PREX1: variants seen among roughly 807,000 people sequenced by gnomAD.
PREX1 encodes phosphatidylinositol 3,4,5-trisphosphate-dependent Rac exchanger 1 protein.
In PREX1, 41 loss-of-function variants were observed where a neutral mutation model predicts 198.3. That is an observed-to-expected ratio of 0.21 (90% CI 0.16 to 0.27). The LOEUF is 0.27. PREX1 is among the 10% of genes least tolerant of loss of function. The pLI is 1.00. For missense variants in PREX1, 1,620 were observed against 2,200.7 expected (o/e 0.74, Z 5.28); for synonymous variants, 843 against 887.2 (o/e 0.95, Z 0.89).
At chr20:48,702,979 A>G (rs6019381) in intron 6 of PREX1, among the ~76,000 whole-genome samples, 50,444 of 152,160 alleles carry the variant, frequency 0.33, 11,935 homozygotes, top group African/African-American at 0.68. Context: ...CTGCCTGGAA[A>G]TGAACTTGGG....
intron 23 of PREX1, among the ~76,000 whole-genome samples, chr20:48,650,604 G>C (rs1160752848): frequency 6.6e-6 from 1 of 152,206 alleles, no homozygotes; most frequent in Non-Finnish European, 1.5e-5. Context: ...TTTTCTCCTG[G>C]GCTTGCTGAG....
chr20:48,699,517 C>T (rs2089863714), intron 7 of PREX1, among the ~76,000 whole-genome samples: 1 of 152,056 alleles, frequency 6.6e-6, no homozygotes, highest in South Asian at 2.1e-4. Context: ...CATCCATCTC[C>T]TAATTTCCCC....
chr20:48,644,474 G>A lies in PREX1; in HGVS notation c.3536C>T (p.Ser1179Leu), dbSNP rs867828667. 1 of 1,613,846 alleles carries A rather than the reference G, an allele frequency of 6.2e-7. No homozygotes were observed. Among genetic ancestry groups the A allele is most frequent in the Non-Finnish European group, 8.5e-7 (1 of 1,179,836 alleles). The change falls in exon 27 of 40, where the codon TCG (serine) becomes TTG (leucine). Residue 1179 changes from serine (S) to leucine (L), a missense_variant. Ser to Leu is a moderately radical substitution (Grantham distance 145). This residue lies in a region of PREX1 where 29 missense variants were observed against 26.1 expected (regional missense o/e 1.11). Transcript: ENST00000371941. ...SYSECNSNRD[S>L]VLSYTSVRSN... ...TCTCACGCTGGTGTAGGACAGGACC[G>A]AGTCTCGATTGCTGTTACACTCGCT... is the stretch of plus-strand genomic sequence containing the variant.
At chr20:48,694,593 G>A (rs1486721132) in intron 7 of PREX1, among the ~76,000 whole-genome samples, 1 of 152,228 alleles carries the variant, frequency 6.6e-6, no homozygotes, top group East Asian at 1.9e-4. Context: ...ACTTGGTGGT[G>A]TGCACAGGCC....
At chr20:48,678,432 T>G (rs2089724136) in intron 13 of PREX1, among the ~76,000 whole-genome samples, 1 of 150,944 alleles carries the variant, frequency 6.6e-6, no homozygotes, top group Non-Finnish European at 1.5e-5. Flanking sequence ...ATTGCACCAC[T>G]GCAATCCAGC....
intron 33 of PREX1, among the ~76,000 whole-genome samples, chr20:48,634,422 C>T (rs2089344895): frequency 6.6e-6 from 1 of 152,180 alleles, no homozygotes; most frequent in Non-Finnish European, 1.5e-5. Context: ...GAATTGGGTA[C>T]CAGTGTCATT....
At chr20:48,679,896 G>T in intron 11 of PREX1, 142 bp from the exon 12 acceptor site, 1 of 669,448 alleles carries the variant, frequency 1.5e-6, no homozygotes, top group Non-Finnish European at 2.6e-6. Context: ...TTCACTGCTG[G>T]CCAGGCTTTT....
At position 48,811,588 on chromosome 20, in the gene PREX1, G is replaced by A. The variant is rs373093689; in HGVS notation, c.219+16054C>T. On this transcript the variant is annotated intron_variant, in intron 1 of 39. Coordinates refer to ENST00000371941, the MANE Select transcript of PREX1 (RefSeq NM_020820.4). ...CAGACCTGGATACACACACACACGT[G>A]TGCATGCACTCTACTGACAAGACCT... 1.4e-4 allele frequency among the ~76,000 whole-genome samples: 20 copies of A among 146,092 alleles called. No homozygotes were observed. In the East Asian group the frequency reaches 2.8e-3, roughly 20 times the overall value.
intron 25 of PREX1, among the ~76,000 whole-genome samples, chr20:48,646,687 A>AT (rs1052666182): frequency 2.6e-5 from 4 of 152,114 alleles, no homozygotes; most frequent in African/African-American, 9.6e-5. Context: ...AAAAAAAAAA[A>AT]AAAAAGAAAA....
intron 1 of PREX1, among the ~76,000 whole-genome samples, chr20:48,809,879 GA>G (rs1167974422): frequency 6.6e-6 from 1 of 152,200 alleles, no homozygotes; most frequent in African/African-American, 2.4e-5. Flanking sequence ...TGATGTTGCA[GA>G]AAAGAGAAGG....
At chr20:48,651,856 G>A (rs1289920742) in intron 21 of PREX1, among the ~76,000 whole-genome samples, 1 of 152,264 alleles carries the variant, frequency 6.6e-6, no homozygotes, top group Non-Finnish European at 1.5e-5. Flanking sequence ...TGGGGGAATA[G>A]CCCCTTGGAG....
intron 1 of PREX1, among the ~76,000 whole-genome samples, chr20:48,824,190 G>A (rs1446202536): frequency 6.6e-6 from 1 of 152,146 alleles, no homozygotes; most frequent in Non-Finnish European, 1.5e-5. Context: ...TGAAAGGGCT[G>A]TCCTTGCCTT....
chr20:48,736,080 C>T (rs2090055853), intron 3 of PREX1, among the ~76,000 whole-genome samples: 1 of 152,310 alleles, frequency 6.6e-6, no homozygotes, highest in South Asian at 2.1e-4. Flanking sequence ...TGACCTTCAA[C>T]ACTTAGGATG....
chr20:48,777,380 A>G (rs1181246610), intron 1 of PREX1, among the ~76,000 whole-genome samples: 1 of 152,112 alleles, frequency 6.6e-6, no homozygotes, highest in Non-Finnish European at 1.5e-5. Flanking sequence ...CAGACAGTGA[A>G]CGGAAGGCTG....
At chr20:48,658,351 G>A in intron 16 of PREX1, 123 bp from the exon 17 acceptor site, 1 of 964,686 alleles carries the variant, frequency 1.0e-6, no homozygotes, top group Non-Finnish European at 1.6e-6. Context: ...CCAGATCCAG[G>A]TGGGCGAGAC....
intron 26 of PREX1, 138 bp from the exon 27 acceptor site, chr20:48,644,635 G>A (rs1465035511): frequency 4.2e-6 from 3 of 721,874 alleles, no homozygotes; most frequent in South Asian, 4.0e-5. Context: ...AGGGCACCGA[G>A]CACCGGTCCT....
intron 1 of PREX1, among the ~76,000 whole-genome samples, chr20:48,785,018 A>G (rs937173513): frequency 1.3e-5 from 2 of 151,722 alleles, no homozygotes; most frequent in South Asian, 2.1e-4. Flanking sequence ...GGTTCAAACG[A>G]TTCTCCTACC....
At chr20:48,638,414 T>G (rs2089382942) in intron 30 of PREX1, among the ~76,000 whole-genome samples, 1 of 152,210 alleles carries the variant, frequency 6.6e-6, no homozygotes, top group African/African-American at 2.4e-5. Context: ...ACACACGCCC[T>G]GTCCTGCAAA....
At chr20:48,884,176 T>TA in the PREX1 span, among the ~76,000 whole-genome samples, 3 of 151,922 alleles carry the variant, frequency 2.0e-5, no homozygotes, top group African/African-American at 7.3e-5. Context: ...GGTTTCTTTT[T>TA]AGTTGGCTGA....
Sources: allele counts gnomAD v4.1 joint callset (sites outside exome capture counted in the v4.1 genomes callset), GRCh38; gene constraint gnomAD v4.1.1; regional missense constraint gnomAD v4.1.1; transcripts MANE v1.5; gene names NCBI Gene and HGNC (gene_info 2026-07-23, HGNC 2026-07-21).